Variants in NEMP2 observed in about 807,000 individuals in gnomAD.
NEMP2 encodes the protein UPF0571 transmembrane protein.
Under a neutral mutation model 54.2 loss-of-function variants are expected in NEMP2, and 53 were observed. The observed-to-expected ratio is 0.98, with a 90% CI of 0.78 to 1.23. The LOEUF (loss-of-function observed/expected upper bound fraction) is 1.23, where lower values mean the gene tolerates loss of function less well. NEMP2 is among the 50% of genes most tolerant of loss of function. The probability of loss-of-function intolerance (pLI) is 0.00; values close to 1 mark genes in which losing one functional copy is unlikely to be tolerated. For missense variants in NEMP2, 455 were observed against 511.3 expected (o/e 0.89, Z 1.06); for synonymous variants, 197 against 190.3 (o/e 1.04, Z -0.29).
chr2:190,435,464 C>T, the NEMP2 span: 1 of 153,252 alleles, frequency 6.5e-6, no homozygotes, highest in Non-Finnish European at 1.5e-5. Flanking sequence ...CCAGTGAGCA[C>T]TATAGTTGCA....
At chr2:190,641,926 T>A in the NEMP2 span, among the ~76,000 whole-genome samples, 3,470 of 152,336 alleles carry the variant, frequency 0.023, 136 homozygotes, top group African/African-American at 0.079. Flanking sequence ...TAAGAAAGTC[T>A]TTTCAAAAGT....
chr2:190,544,448 T>C, the NEMP2 span, among the ~76,000 whole-genome samples: 1 of 152,152 alleles, frequency 6.6e-6, no homozygotes, highest in Admixed American at 6.5e-5. Context: ...GTTAAATTCC[T>C]GTAAGTTGAG....
the NEMP2 span, chr2:190,435,772 A>G: frequency 2.6e-6 from 1 of 391,284 alleles, no homozygotes; most frequent in Non-Finnish European, 4.5e-6. Context: ...GTAATTAGTC[A>G]GTCAGTGGCC....
the NEMP2 span, among the ~76,000 whole-genome samples, chr2:190,559,773 G>A: frequency 6.6e-6 from 1 of 152,222 alleles, no homozygotes; most frequent in South Asian, 2.1e-4. The surrounding 1 kb of genome is among the most constrained non-coding windows in gnomAD (Gnocchi z 4.0). Context: ...GTCCTGGGAG[G>A]TGAGTGGAGA....
At chr2:190,561,216 A>G in the NEMP2 span, among the ~76,000 whole-genome samples, 1 of 152,136 alleles carries the variant, frequency 6.6e-6, no homozygotes, top group Non-Finnish European at 1.5e-5. This position sits in a 1 kb window ranked among gnomAD's most constrained non-coding sequence, Gnocchi z 5.4. Flanking sequence ...TTCTTCTCCA[A>G]TCATCCTACT....
the NEMP2 span, among the ~76,000 whole-genome samples, chr2:190,633,512 C>T: frequency 6.6e-6 from 1 of 151,876 alleles, no homozygotes; most frequent in Non-Finnish European, 1.5e-5. Context: ...CGGGGTTTCA[C>T]CATGTTGGCC....
chr2:190,482,878 T>TTTTTTTTTG, the NEMP2 span, among the ~76,000 whole-genome samples: 1 of 29,622 alleles, frequency 3.4e-5, no homozygotes, highest in Non-Finnish European at 9.3e-5. Flanking sequence ...CTTTTTTTTT[T>TTTTTTTTTG]TTTTTTTTTT....
chr2:190,438,469 T>G, the NEMP2 span, among the ~76,000 whole-genome samples: 1 of 152,160 alleles, frequency 6.6e-6, no homozygotes, highest in African/African-American at 2.4e-5. This position sits in a 1 kb window ranked among gnomAD's most constrained non-coding sequence, Gnocchi z 5.2. Context: ...TGAGTCAAGA[T>G]CACACCACTG....
chr2:190,518,929 A>C, intron 3 of NEMP2, 23 bp downstream of exon 3: 2 of 1,535,392 alleles, frequency 1.3e-6, no homozygotes, highest in Non-Finnish European at 1.8e-6. Flanking sequence ...CCAGAAAGTC[A>C]AGTATAATAA....
the NEMP2 span, among the ~76,000 whole-genome samples, chr2:190,489,253 A>C: frequency 6.6e-6 from 1 of 152,222 alleles, no homozygotes; most frequent in Admixed American, 6.5e-5. This position sits in a 1 kb window ranked among gnomAD's most constrained non-coding sequence, Gnocchi z 6.6. Context: ...TTATGGTAAC[A>C]ATATCTGTCT....
the NEMP2 span, among the ~76,000 whole-genome samples, chr2:190,612,471 C>T: frequency 6.6e-6 from 1 of 152,084 alleles, no homozygotes; most frequent in African/African-American, 2.4e-5. Context: ...TCTTTTTAAA[C>T]AACCAGTTAT....
the NEMP2 span, among the ~76,000 whole-genome samples, chr2:190,485,394 T>C: frequency 3.3e-5 from 5 of 152,216 alleles, no homozygotes; most frequent in African/African-American, 9.6e-5. This position sits in a 1 kb window ranked among gnomAD's most constrained non-coding sequence, Gnocchi z 5.1. Context: ...CCTACTACCA[T>C]TTGATGTGTT....
At chr2:190,460,780 G>A in the NEMP2 span, among the ~76,000 whole-genome samples, 90 of 152,308 alleles carry the variant, frequency 5.9e-4, no homozygotes, top group Non-Finnish European at 1.0e-3. Context: ...GATGGTGGCC[G>A]AGTGAGTCCA....
chr2:190,447,377 T>C, the NEMP2 span, among the ~76,000 whole-genome samples: 4 of 152,366 alleles, frequency 2.6e-5, no homozygotes, highest in South Asian at 4.1e-4. This position sits in a 1 kb window ranked among gnomAD's most constrained non-coding sequence, Gnocchi z 4.5. Flanking sequence ...TTTTTAATTT[T>C]GTGCCAACTA....
Position 190,505,494 on chromosome 2 carries a change from A to G in NEMP2, c.*3695T>C, listed in dbSNP as rs947618226. Reference sequence around the variant, plus strand: ...GTCTTTCTTTTTTGGAAAAACGACCAAATCTAAAAAAACAGATGCCTCAAA... The same window carrying G: ...GTCTTTCTTTTTTGGAAAAACGACCGAATCTAAAAAAACAGATGCCTCAAA... On this transcript the variant is annotated 3_prime_UTR_variant, in exon 9 of 9. Transcript: ENST00000409150. This position sits in a 1 kb window ranked among gnomAD's most constrained non-coding sequence, Gnocchi z 5.8. 2.0e-5 allele frequency: 3 copies of G among 152,204 alleles called. No individual in the cohort carries two copies. The highest frequency in any genetic ancestry group is 4.4e-5 in the Non-Finnish European group (3 of 68,048). The allele number at this position is 152,204 out of a possible 1,614,324, so 9.4% of individuals were successfully genotyped here.
At position 190,521,990 on chromosome 2, in the gene NEMP2, C is replaced by T. The variant is rs1381104055; in HGVS notation, c.214-2807G>A. On this transcript the variant is annotated intron_variant, in intron 2 of 8. Coordinates refer to ENST00000409150, the MANE Select transcript of NEMP2 (RefSeq NM_001142645.2). This position sits in a 1 kb window ranked among gnomAD's most constrained non-coding sequence, Gnocchi z 6.2. Reference sequence around the variant, plus strand: ...AGGCACCATCTATATAAATATGCATCGCTAATTACTTTGCAAAAAAAGACA... The same window carrying T: ...AGGCACCATCTATATAAATATGCATTGCTAATTACTTTGCAAAAAAAGACA... Among the ~76,000 whole-genome samples the T allele has an allele frequency of 2.0e-5, 3 of 151,970 alleles. No homozygotes were observed. Among genetic ancestry groups the T allele is most frequent in the Admixed American group, 6.6e-5 (1 of 15,244 alleles).
At chr2:190,433,029 T>C in the NEMP2 span, among the ~76,000 whole-genome samples, 3 of 152,224 alleles carry the variant, frequency 2.0e-5, no homozygotes, top group African/African-American at 7.2e-5. The surrounding 1 kb of genome is among the most constrained non-coding windows in gnomAD (Gnocchi z 4.5). Flanking sequence ...TTTTACCAAT[T>C]GTTTACTTTC....
the NEMP2 span, among the ~76,000 whole-genome samples, chr2:190,593,863 C>T: frequency 6.6e-6 from 1 of 152,276 alleles, no homozygotes; most frequent in South Asian, 2.1e-4. This position sits in a 1 kb window ranked among gnomAD's most constrained non-coding sequence, Gnocchi z 4.5. Context: ...TAGCTGTGAC[C>T]TCAACAGCTT....
chr2:190,529,275 A>C lies in NEMP2; in HGVS notation c.98-3897T>G, dbSNP rs901712146. Among the ~76,000 whole-genome samples the C allele has an allele frequency of 8.6e-5, 13 of 152,008 alleles. No individual in the cohort carries two copies. The highest frequency in any genetic ancestry group is 3.1e-4 in the African/African-American group (13 of 41,378). On this transcript the variant is annotated intron_variant, in intron 1 of 8. Coordinates refer to ENST00000409150, the MANE Select transcript of NEMP2 (RefSeq NM_001142645.2). The surrounding 1 kb of genome is among the most constrained non-coding windows in gnomAD (Gnocchi z 4.7). ...GGTTTCCTTTTACACCATTAATAAA[A>C]TCCCCCTCCCTTCCAGGGACCTGAG...
Sources: allele counts gnomAD v4.1 joint callset (sites outside exome capture counted in the v4.1 genomes callset), GRCh38; gene constraint gnomAD v4.1.1; non-coding constraint Gnocchi (gnomAD v3.1); transcripts MANE v1.5; gene names NCBI Gene and HGNC (gene_info 2026-07-23, HGNC 2026-07-21).